CRPPA: variants seen among roughly 807,000 people sequenced by gnomAD.
CRPPA encodes the protein D-ribitol-5-phosphate cytidylyltransferase.
CRPPA carries 43 observed loss-of-function variants against 52.0 expected under a neutral mutation model. The ratio of observed to expected loss-of-function variants is 0.83; its 90% confidence interval spans 0.65 to 1.07. The LOEUF (loss-of-function observed/expected upper bound fraction) is 1.07. Ranked by LOEUF, CRPPA falls within the 50% of genes least tolerant of loss-of-function variation. The pLI, the probability that CRPPA is intolerant of heterozygous loss-of-function variation, is 0.00. For missense variants in CRPPA, 629 were observed against 551.7 expected, an observed-to-expected ratio of 1.14 and a Z score of -1.40; for synonymous variants, 250 against 203.5, an observed-to-expected ratio of 1.23 and a Z score of -1.94.
At chr7:16,180,588 G>A (rs554663442) in intron 9 of CRPPA, among the ~76,000 whole-genome samples, 59 of 151,918 alleles carry the variant, frequency 3.9e-4, no homozygotes, top group East Asian at 2.7e-3. Context: ...CATTAATTTC[G>A]AAATCATACA....
At chr7:16,293,472 C>T (rs1175365308) in intron 5 of CRPPA, among the ~76,000 whole-genome samples, 1 of 151,914 alleles carries the variant, frequency 6.6e-6, no homozygotes, top group African/African-American at 2.4e-5. Flanking sequence ...AGAATCACCA[C>T]TATTGAGTCC....
At chr7:16,139,816 T>C (rs1231557370) in intron 9 of CRPPA, among the ~76,000 whole-genome samples, 1 of 152,216 alleles carries the variant, frequency 6.6e-6, no homozygotes, top group East Asian at 1.9e-4. Flanking sequence ...AATTTAAATA[T>C]TCCCAACATA....
At chr7:16,219,772 A>T (rs2128399780) in intron 8 of CRPPA, among the ~76,000 whole-genome samples, 1 of 131,774 alleles carries the variant, frequency 7.6e-6, no homozygotes, top group Non-Finnish European at 1.7e-5. Flanking sequence ...ATAGACCAAT[A>T]ACAGGAGCTG....
At chr7:16,303,665 A>G (rs1156525378) in intron 4 of CRPPA, among the ~76,000 whole-genome samples, 5 of 152,108 alleles carry the variant, frequency 3.3e-5, no homozygotes, top group African/African-American at 1.2e-4. Context: ...CTTACCAATC[A>G]TATACATATA....
intron 1 of CRPPA, among the ~76,000 whole-genome samples, chr7:16,419,036 C>T (rs1788262785): frequency 1.3e-5 from 2 of 152,148 alleles, no homozygotes; most frequent in African/African-American, 2.4e-5. Context: ...TATGTTGTCA[C>T]AATGTTCATG....
chr7:16,268,397 T>A (rs1583481086), intron 6 of CRPPA, among the ~76,000 whole-genome samples: 1 of 143,094 alleles, frequency 7.0e-6, no homozygotes, highest in East Asian at 1.9e-4. Flanking sequence ...CATCCCAATA[T>A]TTGTTCAACC....
At chr7:16,125,826 T>G (rs991637616) in intron 9 of CRPPA, among the ~76,000 whole-genome samples, 53 of 151,636 alleles carry the variant, frequency 3.5e-4, no homozygotes, top group African/African-American at 1.3e-3. Context: ...GCCTTTGTCA[T>G]TTTAAATCCC....
chr7:16,161,252 G>C (rs141832036), intron 9 of CRPPA, among the ~76,000 whole-genome samples: 9,266 of 152,214 alleles, frequency 0.061, 367 homozygotes, highest in East Asian at 0.14. Flanking sequence ...GGGTATCCTT[G>C]TCTTCTGCCG....
chr7:16,310,263 G>A (rs193048828), intron 3 of CRPPA, among the ~76,000 whole-genome samples: 3 of 152,074 alleles, frequency 2.0e-5, no homozygotes, highest in Admixed American at 2.0e-4. Flanking sequence ...CGAAAACAGT[G>A]TCTAACAGCC....
chr7:16,302,531 C>G (rs948697372), intron 4 of CRPPA, among the ~76,000 whole-genome samples: 31 of 152,146 alleles, frequency 2.0e-4, no homozygotes, highest in African/African-American at 7.2e-4. Flanking sequence ...TTTATAAGGT[C>G]TTAAAAGCTA....
At chr7:16,342,753 C>A (rs1785883254) in intron 3 of CRPPA, among the ~76,000 whole-genome samples, 1 of 7,818 alleles carries the variant, frequency 1.3e-4, no homozygotes, top group Admixed American at 1.2e-3. Flanking sequence ...CAGGATGAAC[C>A]CTGTCTCCAC....
At position 16,421,243 on chromosome 7, in the gene CRPPA, G is replaced by A; in HGVS notation, c.80C>T (p.Thr27Met). ...CLSGQRGADH[T>M]ASASLQSVAG... ...CACGCTCTGCAGGGAGGCGGAAGCC[G>A]TGTGGTCCGCGCCGCGCTGACCACT... Residue 27 changes from threonine (T) to methionine (M), a missense_variant, in exon 1 of 10, where the codon ACG becomes ATG. Thr to Met is a moderately conservative substitution (Grantham distance 81). Coordinates refer to ENST00000407010, the MANE Select transcript of CRPPA (RefSeq NM_001101426.4). 7.5e-7 allele frequency: 1 copy of A among 1,328,048 alleles called. No homozygotes were observed. Among genetic ancestry groups the A allele is most frequent in the Non-Finnish European group, 9.7e-7 (1 of 1,032,020 alleles). 82.3% of individuals were successfully genotyped at this position (1,328,048 alleles called of 1,614,324 possible). A position where few individuals can be genotyped will look rare whatever the true frequency, so the allele number is the denominator to read the frequency against.
chr7:16,381,766 G>A (rs1004733499), intron 2 of CRPPA, among the ~76,000 whole-genome samples: 6 of 151,692 alleles, frequency 4.0e-5, no homozygotes, highest in South Asian at 4.2e-4. Context: ...TGTCTCTTTC[G>A]ATCTTTGTTG....
chr7:16,103,382 A>G (rs1214315379), intron 9 of CRPPA, among the ~76,000 whole-genome samples: 4 of 152,208 alleles, frequency 2.6e-5, no homozygotes, highest in Middle Eastern at 3.2e-3. Context: ...GCAGCAAACC[A>G]TCATGACACG....
At chr7:16,216,613 G>A (rs1048515058) in intron 8 of CRPPA, 3 of 158,462 alleles carry the variant, frequency 1.9e-5, no homozygotes, top group Non-Finnish European at 4.1e-5. Context: ...GCAGGGCAAG[G>A]CATTGCCTCA....
At chr7:16,357,415 A>G (rs1786329359) in intron 3 of CRPPA, among the ~76,000 whole-genome samples, 1 of 152,034 alleles carries the variant, frequency 6.6e-6, no homozygotes, top group African/African-American at 2.4e-5. Flanking sequence ...CTGACCCTCA[A>G]GTGATCTGCC....
intron 5 of CRPPA, among the ~76,000 whole-genome samples, chr7:16,286,077 A>AT (rs1784436708): frequency 1.7e-4 from 7 of 42,262 alleles, no homozygotes; most frequent in Admixed American, 6.1e-4. Context: ...ATATATATAT[A>AT]TATAATATTT....
intron 3 of CRPPA, among the ~76,000 whole-genome samples, chr7:16,344,740 C>T (rs573771194): frequency 6.6e-6 from 1 of 151,284 alleles, no homozygotes; most frequent in African/African-American, 2.4e-5. Context: ...ACTAGATGGG[C>T]ACAACAGCAC....
intron 9 of CRPPA, among the ~76,000 whole-genome samples, chr7:16,102,555 T>C (rs7781386): frequency 0.81 from 122,613 of 152,144 alleles, 50,322 homozygotes; most frequent in Admixed American, 0.89. Flanking sequence ...GCCATCTATC[T>C]GTCTGACAAA....
Sources: gnomAD v4.1 joint callset for allele counts (sites outside exome capture counted in the v4.1 genomes callset) on GRCh38, gnomAD v4.1.1 for gene constraint, MANE v1.5 for transcripts, NCBI Gene and HGNC (gene_info 2026-07-23, HGNC 2026-07-21) for gene names.